RAPGEF4: variants seen among roughly 807,000 people sequenced by gnomAD.
The protein encoded by RAPGEF4 is Rap guanine nucleotide exchange factor 4, also known as RAP guanine-nucleotide-exchange factor (GEF) 4.
RAPGEF4 carries 66 observed loss-of-function variants against 147.9 expected under a neutral mutation model. That is an observed-to-expected ratio of 0.45 (90% CI 0.37 to 0.55). RAPGEF4 has a LOEUF of 0.55. RAPGEF4 is among the 20% of genes least tolerant of loss of function. The pLI is 0.00. For synonymous variants in RAPGEF4, 419 were observed against 442.7 expected (o/e 0.95, Z 0.67); for missense variants, 1,071 against 1,257.3 (o/e 0.85, Z 2.24).
intron 26 of RAPGEF4, among the ~76,000 whole-genome samples, 173 bp from the exon 27 acceptor site, chr2:173,033,741 C>T (rs777346334): frequency 9.2e-5 from 14 of 152,298 alleles, no homozygotes; most frequent in Admixed American, 3.3e-4. Flanking sequence ...GGCAAGTTCT[C>T]TATATTCTGG....
intron 23 of RAPGEF4, among the ~76,000 whole-genome samples, chr2:173,022,468 A>G (rs907126885): frequency 6.6e-6 from 1 of 152,210 alleles, no homozygotes; most frequent in Non-Finnish European, 1.5e-5. Context: ...AACTGTGGAC[A>G]ATGAGCTCCT....
At chr2:172,908,771 A>G (rs114868757) in intron 4 of RAPGEF4, among the ~76,000 whole-genome samples, 1 of 152,072 alleles carries the variant, frequency 6.6e-6, no homozygotes, top group Non-Finnish European at 1.5e-5. Context: ...GGCTGAGGGT[A>G]CTCCAGGGAG....
intron 1 of RAPGEF4, among the ~76,000 whole-genome samples, chr2:172,773,274 T>A (rs1276356047): frequency 6.6e-6 from 1 of 152,210 alleles, no homozygotes; most frequent in African/African-American, 2.4e-5. Flanking sequence ...TTTAAAGAGT[T>A]TACTATTACA....
At chr2:172,994,476 C>A (rs373289325) in intron 15 of RAPGEF4, among the ~76,000 whole-genome samples, 1 of 152,188 alleles carries the variant, frequency 6.6e-6, no homozygotes, top group East Asian at 1.9e-4. Context: ...GATGCCTCCC[C>A]GTCCTGAGCG....
chr2:172,795,563 C>A (rs995675059), intron 2 of RAPGEF4, among the ~76,000 whole-genome samples: 1 of 152,196 alleles, frequency 6.6e-6, no homozygotes. Context: ...CCAGTAATAT[C>A]ATCTATTCCA....
chr2:173,027,050 A>G, intron 24 of RAPGEF4, 31 bp from the exon 25 acceptor site: 1 of 1,545,174 alleles, frequency 6.5e-7, no homozygotes, highest in Non-Finnish European at 8.7e-7. Flanking sequence ...TTAAAAAAAA[A>G]TAAGCAAAAT....
intron 1 of RAPGEF4, among the ~76,000 whole-genome samples, chr2:172,758,772 G>A (rs1696023259): frequency 6.6e-6 from 1 of 152,190 alleles, no homozygotes; most frequent in Admixed American, 6.5e-5. Context: ...GACATGTTGA[G>A]TTTGAGATAC....
At chr2:172,820,092 G>A (rs1412340221) in intron 4 of RAPGEF4, among the ~76,000 whole-genome samples, 1 of 152,190 alleles carries the variant, frequency 6.6e-6, no homozygotes, top group Non-Finnish European at 1.5e-5. Flanking sequence ...TGTTGTGTTT[G>A]TATGAGGATG....
intron 1 of RAPGEF4, among the ~76,000 whole-genome samples, chr2:172,740,529 A>G (rs913944458): frequency 2.0e-5 from 3 of 152,248 alleles, no homozygotes; most frequent in Non-Finnish European, 4.4e-5. Flanking sequence ...ATTAGGTTGA[A>G]TTCGAGTGAA....
intron 10 of RAPGEF4, among the ~76,000 whole-genome samples, chr2:172,978,968 A>G (rs1176690526): frequency 1.3e-5 from 2 of 152,200 alleles, no homozygotes; most frequent in African/African-American, 4.8e-5. Context: ...ATGGACTTCC[A>G]TTTAAACTCC....
intron 17 of RAPGEF4, among the ~76,000 whole-genome samples, chr2:173,001,838 G>A (rs4972523): frequency 0.31 from 47,041 of 150,972 alleles, 7,448 homozygotes; most frequent in Non-Finnish European, 0.34. Flanking sequence ...GACACGAGGG[G>A]TCCACCCCCA....
At chr2:172,819,461 C>CTTTTTTTTTTTTTTTTTTTTTTTTTTTTT (rs1242605865) in intron 4 of RAPGEF4, among the ~76,000 whole-genome samples, 1 of 87,008 alleles carries the variant, frequency 1.1e-5, no homozygotes, top group Non-Finnish European at 2.1e-5. Context: ...ATTTTTAGTT[C>CTTTTTTTTTTTTTTTTTTTTTTTTTTTTT]TTTTTTTTTT....
intron 1 of RAPGEF4, among the ~76,000 whole-genome samples, chr2:172,787,835 G>A (rs758554839): frequency 4.1e-4 from 63 of 152,084 alleles, no homozygotes; most frequent in Non-Finnish European, 7.1e-4. Context: ...GCCCAGGGTG[G>A]TCTTGAACTG....
chr2:172,916,865 G>A (rs1170322344), intron 4 of RAPGEF4, among the ~76,000 whole-genome samples: 1 of 152,150 alleles, frequency 6.6e-6, no homozygotes, highest in East Asian at 1.9e-4. Context: ...CAACCCACAA[G>A]CACACTATGG....
chr2:173,024,197 A>G (rs2357952), intron 23 of RAPGEF4, among the ~76,000 whole-genome samples: 145,698 of 150,374 alleles, frequency 0.97, 70,785 homozygotes, highest in East Asian at 1. Flanking sequence ...TTGCATTGCT[A>G]CAGCACTTCT....
Position 172,849,849 on chromosome 2 carries a change from C to T in RAPGEF4, c.444+35424C>T, listed in dbSNP as rs145666231. 1.7e-3 allele frequency among the ~76,000 whole-genome samples: 262 copies of T among 152,342 alleles called. 1 individual carries two copies. Among genetic ancestry groups the T allele is most frequent in the African/African-American group, 5.9e-3 (246 of 41,582 alleles). On this transcript the variant is annotated intron_variant, in intron 4 of 30. Coordinates refer to ENST00000397081, the MANE Select transcript of RAPGEF4 (RefSeq NM_007023.4). ...TAAACATTATCTAAGGTTATTCTTA[C>T]TAAAATGCTGTGCTTTCAATGGTGA...
At chr2:172,952,028 A>T (rs956402371) in intron 6 of RAPGEF4, among the ~76,000 whole-genome samples, 5 of 152,162 alleles carry the variant, frequency 3.3e-5, no homozygotes, top group African/African-American at 1.2e-4. Flanking sequence ...AGAATTTAAA[A>T]TTTTTAATTT....
chr2:172,828,887 C>T, intron 4 of RAPGEF4, among the ~76,000 whole-genome samples: 1 of 152,162 alleles, frequency 6.6e-6, no homozygotes, highest in East Asian at 1.9e-4. Flanking sequence ...TCAGATCTTT[C>T]TGTGAAGGAA....
chr2:172,954,560 TAC>T (rs748694274), intron 6 of RAPGEF4, among the ~76,000 whole-genome samples: 29 of 152,308 alleles, frequency 1.9e-4, no homozygotes, highest in Non-Finnish European at 2.8e-4. Flanking sequence ...TGGAAAAACT[TAC>T]AGAGTTAATT....
Sources: allele counts gnomAD v4.1 joint callset (sites outside exome capture counted in the v4.1 genomes callset), GRCh38; gene constraint gnomAD v4.1.1; transcripts MANE v1.5; gene names NCBI Gene and HGNC (gene_info 2026-07-23, HGNC 2026-07-21).